Variants in ITFG1 observed in about 807,000 individuals in gnomAD.
ITFG1 encodes integrin alpha FG-GAP repeat containing 1, also known as T-cell immunomodulatory protein.
ITFG1 carries 34 observed loss-of-function variants against 81.8 expected under a neutral mutation model. That is an observed-to-expected ratio of 0.42 (90% confidence interval 0.32 to 0.55). ITFG1 has a LOEUF of 0.55. Among genes scored for constraint, ITFG1 ranks in the 20% least tolerant of loss-of-function variants. ITFG1 has a pLI of 0.17. For synonymous variants in ITFG1, 285 were observed against 270.6 expected (o/e 1.05, Z -0.52); for missense variants, 672 against 755.4 (o/e 0.89, Z 1.29).
At chr16:47,303,393 G>A (rs544991673) in intron 10 of ITFG1, among the ~76,000 whole-genome samples, 2 of 152,286 alleles carry the variant, frequency 1.3e-5, no homozygotes, top group Admixed American at 1.3e-4. Context: ...GGCTTATGTA[G>A]AGAGATGTAT....
chr16:47,318,915 G>A (rs1967407005), intron 8 of ITFG1, among the ~76,000 whole-genome samples: 1 of 152,154 alleles, frequency 6.6e-6, no homozygotes, highest in African/African-American at 2.4e-5. Context: ...AGCCTTTTCA[G>A]ACAACCTTGG....
intron 14 of ITFG1, among the ~76,000 whole-genome samples, chr16:47,195,769 T>C (rs1389381524): frequency 1.3e-5 from 2 of 152,156 alleles, no homozygotes; most frequent in African/African-American, 4.8e-5. Flanking sequence ...CAAAACAAAA[T>C]GGGATACATG....
At chr16:47,249,388 T>C (rs778972903) in intron 12 of ITFG1, among the ~76,000 whole-genome samples, 12 of 152,122 alleles carry the variant, frequency 7.9e-5, no homozygotes, top group Non-Finnish European at 1.0e-4. Context: ...CACTGCACTC[T>C]AGCCTGGGTG....
At chr16:47,226,359 G>A (rs1326705293) in intron 13 of ITFG1, among the ~76,000 whole-genome samples, 1 of 152,138 alleles carries the variant, frequency 6.6e-6, no homozygotes, top group East Asian at 1.9e-4. Flanking sequence ...ACAGGCATGC[G>A]CCACCACACC....
intron 14 of ITFG1, among the ~76,000 whole-genome samples, chr16:47,201,369 C>T (rs950570247): frequency 2.6e-5 from 4 of 151,856 alleles, no homozygotes; most frequent in Middle Eastern, 3.2e-3. Context: ...CCAACATGCC[C>T]GGCTAATTTT....
chr16:47,340,495 T>C (rs1967766912), intron 8 of ITFG1, among the ~76,000 whole-genome samples: 1 of 152,086 alleles, frequency 6.6e-6, no homozygotes, highest in Non-Finnish European at 1.5e-5. Context: ...AGTTGTTAAA[T>C]GTAATACCCA....
intron 10 of ITFG1, among the ~76,000 whole-genome samples, chr16:47,304,916 C>T (rs1404275309): frequency 6.6e-6 from 1 of 152,126 alleles, no homozygotes; most frequent in Non-Finnish European, 1.5e-5. Flanking sequence ...AGTATATTAT[C>T]TCAGAATGGC....
At chr16:47,312,186 G>A (rs775077227) in intron 9 of ITFG1, 1 of 152,168 alleles carries the variant, frequency 6.6e-6, no homozygotes, top group Non-Finnish European at 1.5e-5. Context: ...AATTTGAAGA[G>A]CGGAAATCAT....
chr16:47,264,545 TACACACACACAC>T (rs60424367), intron 10 of ITFG1, among the ~76,000 whole-genome samples: 80 of 136,122 alleles, frequency 5.9e-4, no homozygotes, highest in East Asian at 3.0e-3. Context: ...TGTTCTCTAT[TACACACACACAC>T]ACACACACAC....
intron 6 of ITFG1, among the ~76,000 whole-genome samples, chr16:47,383,348 C>T (rs1475420496): frequency 6.6e-6 from 1 of 152,090 alleles, no homozygotes; most frequent in Non-Finnish European, 1.5e-5. Context: ...ATTATATTTG[C>T]CCTGACGCGT....
At chr16:47,305,818 C>A (rs906771697) in intron 10 of ITFG1, among the ~76,000 whole-genome samples, 1 of 152,046 alleles carries the variant, frequency 6.6e-6, no homozygotes, top group African/African-American at 2.4e-5. Context: ...AAATTTCAGA[C>A]ATGTAAAGTT....
chr16:47,264,545 TAC>T (rs60424367), intron 10 of ITFG1, among the ~76,000 whole-genome samples: 31,813 of 135,798 alleles, frequency 0.23, 3,704 homozygotes, highest in East Asian at 0.52. Flanking sequence ...TGTTCTCTAT[TAC>T]ACACACACAC....
chr16:47,171,569 T>G (rs1964962900), intron 14 of ITFG1, among the ~76,000 whole-genome samples: 1 of 152,230 alleles, frequency 6.6e-6, no homozygotes, highest in South Asian at 2.1e-4. Flanking sequence ...ATCCTCCTGC[T>G]GGCTTTGAGT....
At chr16:47,251,409 T>G (rs572768983) in intron 12 of ITFG1, among the ~76,000 whole-genome samples, 1 of 152,330 alleles carries the variant, frequency 6.6e-6, no homozygotes, top group African/African-American at 2.4e-5. Context: ...GTGGCAATTG[T>G]CTGATGGGCA....
At chr16:47,352,711 T>TATA (rs1377232671) in intron 8 of ITFG1, among the ~76,000 whole-genome samples, 11 of 152,208 alleles carry the variant, frequency 7.2e-5, no homozygotes, top group African/African-American at 2.7e-4. Context: ...TTACTGGGTA[T>TATA]ATACCCAAAG....
intron 6 of ITFG1, among the ~76,000 whole-genome samples, chr16:47,414,557 A>T (rs910573328): frequency 6.6e-6 from 1 of 151,922 alleles, no homozygotes; most frequent in Non-Finnish European, 1.5e-5. Flanking sequence ...AAAACAAACA[A>T]CAACAACAAC....
intron 10 of ITFG1, among the ~76,000 whole-genome samples, chr16:47,271,165 A>G (rs1966335093): frequency 6.6e-6 from 1 of 152,224 alleles, no homozygotes; most frequent in Non-Finnish European, 1.5e-5. Flanking sequence ...AATACTATCA[A>G]GAAAGTAAGA....
At chr16:47,428,762 C>A in intron 6 of ITFG1, 42 bp downstream of exon 6, 1 of 1,184,658 alleles carries the variant, frequency 8.4e-7, no homozygotes, top group South Asian at 1.2e-5. Context: ...TCCCATACTT[C>A]TTTGGTAACT....
At chr16:47,267,545 A>G (rs894784285) in intron 10 of ITFG1, among the ~76,000 whole-genome samples, 3 of 152,208 alleles carry the variant, frequency 2.0e-5, no homozygotes, top group Non-Finnish European at 4.4e-5. Flanking sequence ...GACTCAAACA[A>G]TAATAACCAA....
Sources: allele counts gnomAD v4.1 joint callset (sites outside exome capture counted in the v4.1 genomes callset), GRCh38; gene constraint gnomAD v4.1.1; transcripts MANE v1.5; gene names NCBI Gene and HGNC (gene_info 2026-07-23, HGNC 2026-07-21).